The following NUMB variants were observed in gnomAD, a reference collection of about 807,000 sequenced individuals.
The protein encoded by NUMB is NUMB endocytic adaptor protein.
A neutral mutation model predicts 59.7 loss-of-function variants in NUMB; 29 were observed. The ratio of observed to expected loss-of-function variants is 0.49; its 90% confidence interval spans 0.36 to 0.66. NUMB has a LOEUF of 0.66. NUMB is among the 30% of genes least tolerant of loss of function. NUMB has a pLI of 0.00. For missense variants in NUMB, 723 were observed against 822.0 expected, an observed-to-expected ratio of 0.88 and a Z score of 1.47; for synonymous variants, 288 against 288.2, an observed-to-expected ratio of 1.00 and a Z score of 0.01.
At position 73,451,132 on chromosome 14, in the gene NUMB, C is replaced by A. The variant is rs1331350489; in HGVS notation, c.-233+7361G>T. Among the ~76,000 whole-genome samples, 4 of 121,612 alleles carry A rather than the reference C, an allele frequency of 3.3e-5. No individual in the cohort carries two copies. In the East Asian group the frequency reaches 8.6e-4, roughly 26 times the overall value. The allele number at this position is 121,612 out of a possible 152,430, so 79.8% of individuals were successfully genotyped here. ...TTGCACCATTGCACTCTATCCTGGG[C>A]GACAGAGCAGGACTCTGTCTCAAAA... On this transcript the variant is annotated intron_variant, in intron 1 of 12. Transcript: ENST00000555238.
chr14:73,281,118 A>G (rs918861338), intron 11 of NUMB, among the ~76,000 whole-genome samples: 2 of 152,132 alleles, frequency 1.3e-5, no homozygotes, highest in African/African-American at 4.8e-5. Context: ...TGAAATATTC[A>G]ATTTTGCACA....
intron 5 of NUMB, among the ~76,000 whole-genome samples, chr14:73,321,020 A>T (rs1891374264): frequency 6.6e-6 from 1 of 152,116 alleles, no homozygotes; most frequent in Non-Finnish European, 1.5e-5. Context: ...CAATAAACAT[A>T]TTGCTTATAT....
At chr14:73,345,276 A>AT (rs1892846449) in intron 4 of NUMB, among the ~76,000 whole-genome samples, 1 of 152,204 alleles carries the variant, frequency 6.6e-6, no homozygotes, top group Non-Finnish European at 1.5e-5. Flanking sequence ...GTTCTCACTT[A>AT]TAAGTGGAAG....
intron 1 of NUMB, among the ~76,000 whole-genome samples, chr14:73,450,788 TA>T (rs952993667): frequency 1.2e-4 from 16 of 138,878 alleles, no homozygotes; most frequent in South Asian, 2.3e-4. Flanking sequence ...GACCCCATCT[TA>T]AAAAAAAAAA....
At chr14:73,311,559 C>G (rs756206698) in intron 6 of NUMB, among the ~76,000 whole-genome samples, 7 of 152,094 alleles carry the variant, frequency 4.6e-5, no homozygotes, top group Non-Finnish European at 1.0e-4. Flanking sequence ...TGGTCAGGTC[C>G]AAGAGGCAAC....
chr14:73,276,844 G>C lies in NUMB; in HGVS notation c.1690C>G (p.His564Asp). The change falls in exon 13 of 13, where the codon CAC becomes GAC. Residue 564 changes from histidine (H) to aspartate (D), a missense_variant. This residue lies in a region of NUMB where 406 missense variants were observed against 385.4 expected (regional missense o/e 1.05). Transcript: ENST00000555238. ...GTGGTAGCACTGCTTGCCTCGTAGT[G>C]AGGGAATGTCTGCTGCCTGACCAGG... The part of the protein sequence containing the change: ...PSLVRQQTFP[H>D]YEASSATTSP... 6.2e-7 allele frequency: 1 copy of C among 1,614,138 alleles called. No homozygotes were observed. The highest frequency in any genetic ancestry group is 8.5e-7 in the Non-Finnish European group (1 of 1,180,018).
chr14:73,419,496 G>A (rs754737508), intron 1 of NUMB, among the ~76,000 whole-genome samples: 10 of 152,100 alleles, frequency 6.6e-5, no homozygotes, highest in Non-Finnish European at 1.0e-4. Flanking sequence ...GCGACAGAGC[G>A]AGACTCCATC....
chr14:73,277,355 T>A (rs1888243689), intron 12 of NUMB, 62 bp from the exon 13 acceptor site: 1 of 1,286,352 alleles, frequency 7.8e-7, no homozygotes, highest in Non-Finnish European at 1.1e-6. Flanking sequence ...CACCTTATAA[T>A]CTTGGTTATT....
chr14:73,436,559 C>A (rs568942637), intron 1 of NUMB, among the ~76,000 whole-genome samples: 1 of 152,200 alleles, frequency 6.6e-6, no homozygotes, highest in South Asian at 2.1e-4. Flanking sequence ...ATCTCATGAT[C>A]CGCCCACCTT....
chr14:73,444,195 C>T (rs74854916), intron 1 of NUMB, among the ~76,000 whole-genome samples: 35,695 of 151,982 alleles, frequency 0.23, 5,118 homozygotes, highest in East Asian at 0.68. Context: ...ATCAGGAGAT[C>T]GAGACCACCC....
Position 73,358,589 on chromosome 14 carries a change from C to A in NUMB, c.-15-2823G>T, listed in dbSNP as rs150810171. Among the ~76,000 whole-genome samples the A allele has an allele frequency of 2.2e-3, 324 of 147,024 alleles. 2 individuals are homozygous for A. The highest frequency in any genetic ancestry group is 4.2e-3 in the Non-Finnish European group (282 of 67,306). On this transcript the variant is annotated intron_variant, in intron 3 of 12. Coordinates refer to ENST00000555238, the MANE Select transcript of NUMB (RefSeq NM_001005743.2). ...GAGTCAGCTCAGGAGTTAACCTCTT[C>A]AGGAAAGCTAGACTTTTTTTTTTTT...
intron 2 of NUMB, among the ~76,000 whole-genome samples, chr14:73,391,514 T>C (rs1176007036): frequency 6.6e-6 from 1 of 152,158 alleles, no homozygotes; most frequent in Non-Finnish European, 1.5e-5. Context: ...AAATCACTAA[T>C]TACTCTAACA....
Position 73,453,639 on chromosome 14 carries a change from G to T in NUMB, c.-233+4854C>A, listed in dbSNP as rs139785056. ...TTTTTTTTTTTCAAAACAAAGTCTC[G>T]CTTTGTCGCCCAGGATGGAGTGCAG... On this transcript the variant is annotated intron_variant, in intron 1 of 12. Transcript: ENST00000555238. Among the ~76,000 whole-genome samples, 7 of 138,422 alleles carry T rather than the reference G, an allele frequency of 5.1e-5. No homozygotes were observed. The East Asian group carries it at 6.4e-4, about 13-fold the overall frequency. 90.8% of individuals were successfully genotyped at this position (138,422 alleles called of 152,430 possible). A position where few individuals can be genotyped will look rare whatever the true frequency, so the allele number is the denominator to read the frequency against.
chr14:73,429,288 C>T (rs1897722791), intron 1 of NUMB, among the ~76,000 whole-genome samples: 2 of 152,082 alleles, frequency 1.3e-5, no homozygotes, highest in African/African-American at 2.4e-5. Context: ...AGGAGAATGC[C>T]GTGAACCCAG....
chr14:73,320,886 A>C (rs74488577), intron 5 of NUMB, among the ~76,000 whole-genome samples: 2,091 of 151,834 alleles, frequency 0.014, 51 homozygotes, highest in African/African-American at 0.047. Flanking sequence ...AAAAAGGTAA[A>C]ATAAAACAAA....
At chr14:73,379,938 A>G (rs1023523291) in intron 2 of NUMB, among the ~76,000 whole-genome samples, 2 of 152,214 alleles carry the variant, frequency 1.3e-5, no homozygotes, top group African/African-American at 4.8e-5. Flanking sequence ...AGTAGGAATA[A>G]CGAGATTTAT....
At position 73,356,753 on chromosome 14, in the gene NUMB, C is replaced by T. The variant is rs77975676; in HGVS notation, c.-15-987G>A. 4.1e-3 allele frequency among the ~76,000 whole-genome samples: 619 copies of T among 152,204 alleles called. 12 individuals carry two copies. The East Asian group carries it at 0.05, about 12-fold the overall frequency. On this transcript the variant is annotated intron_variant, in intron 3 of 12. Coordinates refer to ENST00000555238, the MANE Select transcript of NUMB (RefSeq NM_001005743.2). ...TGTCACTAAGGCTGGAGTGTAGTGG[C>T]GTGATCACAGCTCATTGCAACCTTT...
chr14:73,398,413 AGAGTGTGTGTGTGT>A (rs1365077587), intron 2 of NUMB, among the ~76,000 whole-genome samples: 3,330 of 117,690 alleles, frequency 0.028, 96 homozygotes, highest in Non-Finnish European at 0.027. Context: ...AGAGAGAGAG[AGAGTGTGTGTGTGT>A]GTGTGTGTGT....
intron 1 of NUMB, among the ~76,000 whole-genome samples, chr14:73,440,215 CCATATATATATAT>C (rs1566798163): frequency 7.6e-6 from 1 of 131,514 alleles, no homozygotes; most frequent in Non-Finnish European, 1.5e-5. Flanking sequence ...ATATGGATAT[CCATATATATATAT>C]GGATATCCAT....
Sources: allele counts gnomAD v4.1 joint callset (sites outside exome capture counted in the v4.1 genomes callset), GRCh38; gene constraint gnomAD v4.1.1; regional missense constraint gnomAD v4.1.1; transcripts MANE v1.5; gene names NCBI Gene and HGNC (gene_info 2026-07-23, HGNC 2026-07-21).